The following CDH13 variants were observed in gnomAD, a reference collection of about 807,000 sequenced individuals.
CDH13 encodes cadherin-13.
A neutral mutation model predicts 63.8 loss-of-function variants in CDH13; 24 were observed. The ratio of observed to expected loss-of-function variants is 0.38; its 90% CI spans 0.27 to 0.53. The LOEUF (loss-of-function observed/expected upper bound fraction) is 0.53. Among genes scored for constraint, CDH13 ranks in the 20% least tolerant of loss-of-function variants. CDH13 has a pLI of 0.85. For missense variants in CDH13, 1,049 were observed against 903.1 expected (o/e 1.16, Z -2.07); for synonymous variants, 503 against 355.3 (o/e 1.42, Z -4.67).
Position 83,232,571 on chromosome 16 carries a change from T to C in CDH13, c.636+15074T>C, listed in dbSNP as rs1383430531. ...AAACAAACAAAAAAAAAAAAAAGTGTGGCACCTCCCTTCCCCCACACACTT... is the reference window on the plus strand; with the variant it reads ...AAACAAACAAAAAAAAAAAAAAGTGCGGCACCTCCCTTCCCCCACACACTT... On this transcript the variant is annotated intron_variant, in intron 5 of 13. Transcript: ENST00000567109. Among the ~76,000 whole-genome samples, 3 of 147,044 alleles carry C rather than the reference T, an allele frequency of 2.0e-5. No homozygotes were observed. In the East Asian group the frequency reaches 6.0e-4, roughly 29 times the overall value.
intron 7 of CDH13, among the ~76,000 whole-genome samples, chr16:83,505,749 G>C (rs2074381682): frequency 6.6e-6 from 1 of 151,988 alleles, no homozygotes; most frequent in Non-Finnish European, 1.5e-5. Context: ...CTCCATGTTG[G>C]TTAGGCTGGT....
Position 82,627,040 on chromosome 16 carries a change from G to T in CDH13, c.-53G>T. 6.4e-7 allele frequency: 1 copy of T among 1,563,118 alleles called. No individual in the cohort carries two copies. Among genetic ancestry groups the T allele is most frequent in the African/African-American group, 1.4e-5 (1 of 73,672 alleles). On this transcript the variant is annotated 5_prime_UTR_variant, in exon 1 of 14. Coordinates refer to ENST00000567109, the MANE Select transcript of CDH13 (RefSeq NM_001257.5). ...CTGGCTCCCACGGAAAATATGCTCAGTGCAGCCGCGTGCATGAATGAAAAC... is the reference window on the plus strand; with the variant it reads ...CTGGCTCCCACGGAAAATATGCTCATTGCAGCCGCGTGCATGAATGAAAAC...
chr16:83,144,274 G>A (rs953281697), intron 4 of CDH13, among the ~76,000 whole-genome samples: 1 of 152,138 alleles, frequency 6.6e-6, no homozygotes, highest in East Asian at 1.9e-4. Flanking sequence ...TGTTCCTGCG[G>A]TTGACACTCT....
chr16:82,761,669 T>C (rs1022660871), intron 1 of CDH13, among the ~76,000 whole-genome samples: 2 of 152,250 alleles, frequency 1.3e-5, no homozygotes, highest in African/African-American at 4.8e-5. Context: ...AAAATATTTT[T>C]CACTTGTTTC....
chr16:83,363,919 T>C (rs2091210430), intron 6 of CDH13, among the ~76,000 whole-genome samples: 1 of 151,928 alleles, frequency 6.6e-6, no homozygotes, highest in African/African-American at 2.4e-5. Flanking sequence ...ACCTTGGGAG[T>C]GTAAGCACCT....
intron 6 of CDH13, among the ~76,000 whole-genome samples, chr16:83,408,439 C>A (rs1435541979): frequency 1.3e-5 from 2 of 152,206 alleles, no homozygotes; most frequent in Non-Finnish European, 2.9e-5. Context: ...GACATTGCCT[C>A]TTGCGCCTAG....
intron 1 of CDH13, among the ~76,000 whole-genome samples, chr16:82,841,063 G>C (rs1266632253): frequency 1.3e-5 from 2 of 152,198 alleles, no homozygotes; most frequent in Admixed American, 6.5e-5. Context: ...GTACTTGCTG[G>C]GGACACATGG....
In CDH13 at chr16:83,164,728, GA is replaced by G. The variant is rs951668762; in HGVS notation, c.483+39237del. 7.4e-4 allele frequency among the ~76,000 whole-genome samples: 106 copies of G among 142,944 alleles called. 3 individuals carry two copies. In the Middle Eastern group the frequency reaches 0.011, roughly 15 times the overall value. 93.8% of individuals were successfully genotyped at this position (142,944 alleles called of 152,430 possible). A position where few individuals can be genotyped will look rare whatever the true frequency, so the allele number is the denominator to read the frequency against. On this transcript the variant is annotated intron_variant, in intron 4 of 13. Transcript: ENST00000567109. ...AGAGCGAGACTCTGTCTCAAAAAAA[GA>G]AAAAAAAAATCATCGTTTTACTGAT...
chr16:83,215,549 C>G (rs1044430836), intron 4 of CDH13, among the ~76,000 whole-genome samples: 1 of 151,020 alleles, frequency 6.6e-6, no homozygotes, highest in Admixed American at 6.6e-5. Context: ...CAGATGAACC[C>G]TGGCGTAAAG....
intron 10 of CDH13, among the ~76,000 whole-genome samples, chr16:83,689,913 C>T (rs1904678000): frequency 6.6e-6 from 1 of 152,204 alleles, no homozygotes; most frequent in South Asian, 2.1e-4. Context: ...TGGCCGGGAG[C>T]AGTGGCTCAC....
At chr16:83,456,604 C>G (rs1368999257) in intron 6 of CDH13, among the ~76,000 whole-genome samples, 1 of 152,098 alleles carries the variant, frequency 6.6e-6, no homozygotes, top group East Asian at 1.9e-4. Context: ...AAGGGCATTT[C>G]AGACGCTGAG....
intron 1 of CDH13, among the ~76,000 whole-genome samples, chr16:82,669,500 C>T (rs11862799): frequency 0.038 from 5,793 of 152,266 alleles, 369 homozygotes; most frequent in African/African-American, 0.13. Flanking sequence ...ATTCTGATAA[C>T]ATTACTTGTA....
At chr16:82,916,719 A>T (rs1230390539) in intron 2 of CDH13, among the ~76,000 whole-genome samples, 1 of 152,242 alleles carries the variant, frequency 6.6e-6, no homozygotes, top group Non-Finnish European at 1.5e-5. Context: ...AAATATTTTA[A>T]ACAATATTTT....
intron 8 of CDH13, among the ~76,000 whole-genome samples, chr16:83,660,672 C>T (rs1913354487): frequency 6.6e-6 from 1 of 152,202 alleles, no homozygotes; most frequent in South Asian, 2.1e-4. Context: ...TTGCATAAGC[C>T]AAACTCCAGT....
At chr16:83,407,113 G>A (rs1471597132) in intron 6 of CDH13, among the ~76,000 whole-genome samples, 1 of 152,152 alleles carries the variant, frequency 6.6e-6, no homozygotes, top group Non-Finnish European at 1.5e-5. Context: ...CCTACTGTGT[G>A]CCAGGCAGCC....
At position 83,753,486 on chromosome 16, in the gene CDH13, C is replaced by T. The variant is rs530407210; in HGVS notation, c.1681+5236C>T. ...CCTGAACCCAGGTAGGTCAAGGCTGCAGTGAGCCAAGATCACACCGCTGCA... is the reference window on the plus strand; with the variant it reads ...CCTGAACCCAGGTAGGTCAAGGCTGTAGTGAGCCAAGATCACACCGCTGCA... On this transcript the variant is annotated intron_variant, in intron 11 of 13. Transcript: ENST00000567109. 1.1e-4 allele frequency among the ~76,000 whole-genome samples: 17 copies of T among 152,226 alleles called. No individual in the cohort carries two copies. In the East Asian group the frequency reaches 1.4e-3, roughly 12 times the overall value.
rs1210295584 is a variant in CDH13, at chr16:82,748,001, C to T, written c.46-110361C>T. On this transcript the variant is annotated intron_variant, in intron 1 of 13. Transcript: ENST00000567109. ...TGGGCTCAACTTGAGGAAGTAGATTCCATTTTACTTTTCCTTTATTTCCCA... is the reference window on the plus strand; with the variant it reads ...TGGGCTCAACTTGAGGAAGTAGATTTCATTTTACTTTTCCTTTATTTCCCA... 5.9e-5 allele frequency among the ~76,000 whole-genome samples: 9 copies of T among 152,152 alleles called. No individual in the cohort carries two copies. The East Asian group carries it at 7.7e-4, about 13-fold the overall frequency.
intron 1 of CDH13, among the ~76,000 whole-genome samples, chr16:82,699,218 G>T (rs564949628): frequency 6.6e-6 from 1 of 152,228 alleles, no homozygotes; most frequent in East Asian, 1.9e-4. Context: ...GATGAAACTG[G>T]GATTCAGGCT....
At chr16:82,714,734 A>C (rs1287194245) in intron 1 of CDH13, among the ~76,000 whole-genome samples, 1 of 137,708 alleles carries the variant, frequency 7.3e-6, no homozygotes, top group Non-Finnish European at 1.6e-5. Context: ...AAAAAAAAAA[A>C]AAAAAGACAC....
Sources: gnomAD v4.1 joint callset for allele counts (sites outside exome capture counted in the v4.1 genomes callset) on GRCh38, gnomAD v4.1.1 for gene constraint, MANE v1.5 for transcripts, NCBI Gene and HGNC (gene_info 2026-07-23, HGNC 2026-07-21) for gene names.